Variants in ABCC4 observed in about 807,000 individuals in gnomAD.
ABCC4 encodes ATP-binding cassette sub-family C member 4.
ABCC4 carries 102 observed loss-of-function variants against 168.5 expected under a neutral mutation model. The observed-to-expected ratio is 0.61, with a 90% confidence interval of 0.52 to 0.71. The LOEUF (loss-of-function observed/expected upper bound fraction) is 0.71. Among genes scored for constraint, ABCC4 ranks in the 30% least tolerant of loss-of-function variants. The pLI, the probability that ABCC4 is intolerant of heterozygous loss-of-function variation, is 0.00. For synonymous variants in ABCC4, 617 were observed against 590.7 expected, an observed-to-expected ratio of 1.04 and a Z score of -0.65; for missense variants, 1,402 against 1,605.8, an observed-to-expected ratio of 0.87 and a Z score of 2.17.
At chr13:95,081,903 G>C (rs1239482211) in intron 21 of ABCC4, among the ~76,000 whole-genome samples, 1 of 152,136 alleles carries the variant, frequency 6.6e-6, no homozygotes, top group Non-Finnish European at 1.5e-5. Context: ...GGGAGGCTGA[G>C]GCATGAGAAT....
chr13:95,292,716 A>C (rs551665041), intron 1 of ABCC4, among the ~76,000 whole-genome samples: 1 of 152,140 alleles, frequency 6.6e-6, no homozygotes, highest in Non-Finnish European at 1.5e-5. Context: ...GTGGGCTAGA[A>C]GATCTCTTCC....
chr13:95,078,081 G>A (rs2033969616), intron 21 of ABCC4, among the ~76,000 whole-genome samples: 1 of 152,074 alleles, frequency 6.6e-6, no homozygotes, highest in African/African-American at 2.4e-5. Flanking sequence ...TAACTTTTAG[G>A]GGCCCTCTCC....
chr13:95,249,163 G>A (rs2040192334), intron 1 of ABCC4, among the ~76,000 whole-genome samples: 1 of 151,654 alleles, frequency 6.6e-6, no homozygotes, highest in African/African-American at 2.4e-5. Context: ...CAAGGCTGCA[G>A]TGAGCTGTGA....
At chr13:95,144,879 T>C (rs2036439486) in intron 19 of ABCC4, among the ~76,000 whole-genome samples, 1 of 152,038 alleles carries the variant, frequency 6.6e-6, no homozygotes, top group Admixed American at 6.6e-5. Flanking sequence ...AGAAAAACTA[T>C]ACTGAAATTC....
chr13:95,130,719 AGTTTAAGGGGG>A (rs2035930391), intron 19 of ABCC4, among the ~76,000 whole-genome samples: 1 of 152,114 alleles, frequency 6.6e-6, no homozygotes, highest in Non-Finnish European at 1.5e-5. Context: ...GGAAATGGTG[AGTTTAAGGGGG>A]AAAAAGAAAA....
At chr13:95,269,080 T>A (rs1290299970) in intron 1 of ABCC4, among the ~76,000 whole-genome samples, 2 of 152,188 alleles carry the variant, frequency 1.3e-5, no homozygotes, top group Non-Finnish European at 2.9e-5. Context: ...ACTCTCCCTT[T>A]GGTTCCAATT....
At chr13:95,023,980 G>T (rs1223791141) in intron 30 of ABCC4, among the ~76,000 whole-genome samples, 1 of 152,124 alleles carries the variant, frequency 6.6e-6, no homozygotes, top group African/African-American at 2.4e-5. Flanking sequence ...GCCAAGGCAG[G>T]TGGATCACTT....
At chr13:95,199,162 AT>A (rs1390332196) in intron 8 of ABCC4, among the ~76,000 whole-genome samples, 1 of 152,182 alleles carries the variant, frequency 6.6e-6, no homozygotes, top group Admixed American at 6.5e-5. Context: ...TTTTTTAAAA[AT>A]TTAACAACAC....
intron 1 of ABCC4, among the ~76,000 whole-genome samples, chr13:95,275,501 C>A (rs1455058011): frequency 6.6e-6 from 1 of 152,160 alleles, no homozygotes; most frequent in African/African-American, 2.4e-5. Context: ...ACTCCCCCAT[C>A]CCCTTGTTGG....
chr13:95,247,121 A>G, intron 2 of ABCC4, 26 bp from the exon 3 acceptor site: 1 of 1,605,374 alleles, frequency 6.2e-7, no homozygotes, highest in Non-Finnish European at 8.5e-7. Flanking sequence ...AGCTTCGTAA[A>G]TAAGAGTGAA....
At chr13:95,083,643 C>CA (rs938681520) in intron 20 of ABCC4, among the ~76,000 whole-genome samples, 2 of 151,754 alleles carry the variant, frequency 1.3e-5, no homozygotes, top group African/African-American at 4.8e-5. Flanking sequence ...TCTCCTGCCT[C>CA]AGTTTCCTGA....
chr13:95,194,776 A>G (rs1158523693), intron 9 of ABCC4, 60 bp downstream of exon 9: 1 of 1,393,468 alleles, frequency 7.2e-7, no homozygotes, highest in South Asian at 1.2e-5. Context: ...AAAATTCTCT[A>G]TTAAATCAAT....
chr13:95,157,188 T>C (rs920146128), intron 19 of ABCC4, among the ~76,000 whole-genome samples: 1 of 151,926 alleles, frequency 6.6e-6, no homozygotes, highest in African/African-American at 2.4e-5. Flanking sequence ...CCATTCTTGC[T>C]GGGGGCCCAG....
chr13:95,167,960 A>G (rs564185462), intron 14 of ABCC4, among the ~76,000 whole-genome samples: 3 of 152,158 alleles, frequency 2.0e-5, no homozygotes, highest in Admixed American at 6.5e-5. Flanking sequence ...TTCGCCTCCC[A>G]GGTTCAAGTG....
At chr13:95,188,364 T>C (rs1488427563) in intron 10 of ABCC4, 89 bp downstream of exon 10, 24 of 1,194,408 alleles carry the variant, frequency 2.0e-5, no homozygotes, top group South Asian at 1.6e-4. Flanking sequence ...CAGTTCAAAA[T>C]TGTGTTACAC....
At chr13:95,139,675 G>C (rs1003551355) in intron 19 of ABCC4, among the ~76,000 whole-genome samples, 1 of 152,188 alleles carries the variant, frequency 6.6e-6, no homozygotes, top group Admixed American at 6.5e-5. Flanking sequence ...AATTCATCTT[G>C]TTCTTTGTTC....
rs202160354 is a variant in ABCC4 at position 95,025,179 on chromosome 13, C to CCA, written c.3871-3499_3871-3498dup. On this transcript the variant is annotated intron_variant, in intron 30 of 30. Coordinates refer to ENST00000645237, the MANE Select transcript of ABCC4 (RefSeq NM_005845.5). ...CTCAATTTCACATACACACACACAC[C>CCA]CACACACACCCACACCACACACCCC... 9.0e-3 allele frequency among the ~76,000 whole-genome samples: 1,259 copies of CCA among 140,334 alleles called. 27 individuals carry two copies. Among genetic ancestry groups the CCA allele is most frequent in the African/African-American group, 0.033 (1,177 of 36,072 alleles). The allele number at this position is 140,334 out of a possible 152,430, so 92.1% of individuals were successfully genotyped here.
chr13:95,280,727 C>A (rs1046332574), intron 1 of ABCC4, among the ~76,000 whole-genome samples: 3 of 152,022 alleles, frequency 2.0e-5, no homozygotes, highest in Non-Finnish European at 4.4e-5. Flanking sequence ...CTCCTCCTTA[C>A]AGGAAAGGAA....
At chr13:95,115,473 C>T in intron 20 of ABCC4, among the ~76,000 whole-genome samples, 1 of 143,070 alleles carries the variant, frequency 7.0e-6, no homozygotes. Context: ...CTAATCTTTT[C>T]TTTGTAAGTA....
Sources: allele counts gnomAD v4.1 joint callset (sites outside exome capture counted in the v4.1 genomes callset), GRCh38; gene constraint gnomAD v4.1.1; transcripts MANE v1.5; gene names NCBI Gene and HGNC (gene_info 2026-07-23, HGNC 2026-07-21).